KCNH7: variants seen among roughly 807,000 people sequenced by gnomAD.
The protein encoded by KCNH7 is voltage-gated inwardly rectifying potassium channel KCNH7.
KCNH7 carries 49 observed loss-of-function variants against 120.8 expected under a neutral mutation model. That is an observed-to-expected ratio of 0.41 (90% confidence interval 0.32 to 0.51). KCNH7 has a LOEUF of 0.51. Ranked by LOEUF, KCNH7 falls within the 20% of genes least tolerant of loss-of-function variation. KCNH7 has a pLI of 0.38. For missense variants in KCNH7, 1,097 were observed against 1,446.6 expected, an observed-to-expected ratio of 0.76 and a Z score of 3.92; for synonymous variants, 547 against 516.1, an observed-to-expected ratio of 1.06 and a Z score of -0.81.
chr2:162,624,889 GTTTTT>G (rs66562676), intron 2 of KCNH7, among the ~76,000 whole-genome samples: 1 of 69,714 alleles, frequency 1.4e-5, no homozygotes, highest in Non-Finnish European at 2.4e-5. Flanking sequence ...TGCACTCTTG[GTTTTT>G]TTTTTTTTTT....
intron 2 of KCNH7, among the ~76,000 whole-genome samples, chr2:162,694,638 G>A (rs1267088150): frequency 6.6e-6 from 1 of 152,132 alleles, no homozygotes; most frequent in African/African-American, 2.4e-5. Flanking sequence ...TCCAGGAATA[G>A]AGGAAAACCT....
intron 2 of KCNH7, among the ~76,000 whole-genome samples, chr2:162,777,325 A>G (rs539959946): frequency 6.6e-6 from 1 of 152,258 alleles, no homozygotes; most frequent in African/African-American, 2.4e-5. Flanking sequence ...AATACTGAAT[A>G]CAATGTAAAT....
chr2:162,737,143 C>G (rs1687943023), intron 2 of KCNH7, among the ~76,000 whole-genome samples: 3 of 152,114 alleles, frequency 2.0e-5, no homozygotes, highest in African/African-American at 2.4e-5. Context: ...CCATTTCCAC[C>G]TGCTTACAGA....
intron 14 of KCNH7, among the ~76,000 whole-genome samples, chr2:162,378,131 T>C (rs1310662962): frequency 2.0e-5 from 3 of 152,196 alleles, no homozygotes; most frequent in African/African-American, 7.2e-5. Context: ...GAAGTGAAGT[T>C]CCTTGTTAAT....
intron 2 of KCNH7, among the ~76,000 whole-genome samples, chr2:162,682,810 T>C (rs1192579988): frequency 1.3e-5 from 2 of 151,808 alleles, no homozygotes; most frequent in South Asian, 2.1e-4. Flanking sequence ...GTATTTGTAA[T>C]GGTCAATATC....
chr2:162,492,626 T>C (rs558695924), intron 6 of KCNH7, among the ~76,000 whole-genome samples: 30 of 152,274 alleles, frequency 2.0e-4, no homozygotes, highest in Middle Eastern at 3.4e-3. Context: ...TGAAAATACA[T>C]TGAACACCTT....
intron 2 of KCNH7, among the ~76,000 whole-genome samples, chr2:162,784,017 A>G (rs550991163): frequency 6.6e-6 from 1 of 152,216 alleles, no homozygotes; most frequent in Admixed American, 6.5e-5. Flanking sequence ...GATATCCTTT[A>G]AAAAAACAAG....
intron 2 of KCNH7, among the ~76,000 whole-genome samples, chr2:162,705,356 C>T (rs760671736): frequency 6.6e-6 from 1 of 152,034 alleles, no homozygotes; most frequent in Non-Finnish European, 1.5e-5. Context: ...CCTTGTGCAA[C>T]TGTAAGGTGT....
intron 2 of KCNH7, among the ~76,000 whole-genome samples, chr2:162,735,934 C>G (rs1170976304): frequency 6.6e-6 from 1 of 152,098 alleles, no homozygotes; most frequent in African/African-American, 2.4e-5. Flanking sequence ...AGAAGGCCAG[C>G]AGAGCCTCAT....
chr2:162,816,849 GAA>G (rs1014124305), intron 2 of KCNH7, among the ~76,000 whole-genome samples: 2 of 152,062 alleles, frequency 1.3e-5, no homozygotes, highest in African/African-American at 4.8e-5. Context: ...TTTCAATGTT[GAA>G]AATTTTTTTT....
chr2:162,752,905 A>AAAAGAG (rs1559116043), intron 2 of KCNH7, among the ~76,000 whole-genome samples: 40 of 26,078 alleles, frequency 1.5e-3, no homozygotes, highest in Middle Eastern at 0.026. Flanking sequence ...CATCTCAGAA[A>AAAAGAG]AAGAAAAGAA....
chr2:162,621,250 A>ATATTTTTT (rs1559048811), intron 2 of KCNH7, among the ~76,000 whole-genome samples: 1 of 34,312 alleles, frequency 2.9e-5, no homozygotes, highest in African/African-American at 1.6e-4. Flanking sequence ...GGGTATCATC[A>ATATTTTTT]TCTTTTTTTT....
intron 2 of KCNH7, among the ~76,000 whole-genome samples, chr2:162,638,601 C>G (rs192219658): frequency 6.6e-6 from 1 of 151,874 alleles, no homozygotes; most frequent in Non-Finnish European, 1.5e-5. Context: ...AAATCAAAGT[C>G]GAAAGAAGCG....
At chr2:162,803,174 ACTT>A (rs1684409634) in intron 2 of KCNH7, among the ~76,000 whole-genome samples, 1 of 151,730 alleles carries the variant, frequency 6.6e-6, no homozygotes, top group African/African-American at 2.4e-5. Context: ...TTTACTCTAA[ACTT>A]CTCGATAGAC....
At chr2:162,437,867 T>C (rs1688297965) in intron 7 of KCNH7, among the ~76,000 whole-genome samples, 1 of 152,144 alleles carries the variant, frequency 6.6e-6, no homozygotes, top group African/African-American at 2.4e-5. Context: ...GCCTTGCAGC[T>C]CGCCTCAAGA....
chr2:162,439,142 A>C (rs1348215311), intron 7 of KCNH7, among the ~76,000 whole-genome samples: 1 of 152,100 alleles, frequency 6.6e-6, no homozygotes, highest in Non-Finnish European at 1.5e-5. Flanking sequence ...TGGAAATCCC[A>C]ATTTTTTGAT....
At chr2:162,666,362 C>T (rs918618932) in intron 2 of KCNH7, among the ~76,000 whole-genome samples, 2 of 148,504 alleles carry the variant, frequency 1.3e-5, no homozygotes, top group African/African-American at 2.5e-5. Context: ...AAATTCTGCC[C>T]CCCGCCCCTC....
At chr2:162,550,864 C>A (rs1692644782) in intron 2 of KCNH7, among the ~76,000 whole-genome samples, 1 of 147,178 alleles carries the variant, frequency 6.8e-6, no homozygotes, top group Admixed American at 6.9e-5. Flanking sequence ...GTAGACAAAG[C>A]AAAAATAACA....
At chr2:162,666,212 T>C (rs1230690759) in intron 2 of KCNH7, among the ~76,000 whole-genome samples, 1 of 152,130 alleles carries the variant, frequency 6.6e-6, no homozygotes, top group Non-Finnish European at 1.5e-5. Flanking sequence ...CTATATTCCC[T>C]AATTTTCAGC....
Sources: allele counts gnomAD v4.1 joint callset (sites outside exome capture counted in the v4.1 genomes callset), GRCh38; gene constraint gnomAD v4.1.1; transcripts MANE v1.5; gene names NCBI Gene and HGNC (gene_info 2026-07-23, HGNC 2026-07-21).